Variants in CNTLN observed in about 807,000 individuals in gnomAD.
CNTLN encodes centlein, centrosomal protein.
In CNTLN, 212 loss-of-function variants were observed where a neutral mutation model predicts 180.0. The ratio of observed to expected loss-of-function variants is 1.18; its 90% CI spans 1.05 to 1.32. The LOEUF (loss-of-function observed/expected upper bound fraction) is 1.32. CNTLN is among the 40% of genes most tolerant of loss of function. CNTLN has a pLI of 0.00. For missense variants in CNTLN, 2,095 were observed against 1,610.9 expected, an observed-to-expected ratio of 1.30 and a Z score of -5.14; for synonymous variants, 722 against 563.1, an observed-to-expected ratio of 1.28 and a Z score of -3.99.
chr9:17,279,818 G>T (rs138358467), intron 6 of CNTLN, among the ~76,000 whole-genome samples: 2 of 152,200 alleles, frequency 1.3e-5, no homozygotes, highest in African/African-American at 4.8e-5. Flanking sequence ...TTAGTCCTCA[G>T]TGTGGGACAT....
chr9:17,376,707 T>C (rs944150595), intron 13 of CNTLN, among the ~76,000 whole-genome samples: 1 of 152,066 alleles, frequency 6.6e-6, no homozygotes, highest in Admixed American at 6.5e-5. Context: ...CACTTTGGCC[T>C]CCCAAAGTGC....
intron 2 of CNTLN, among the ~76,000 whole-genome samples, chr9:17,211,020 A>C (rs1157285884): frequency 1.3e-5 from 2 of 152,072 alleles, no homozygotes; most frequent in African/African-American, 4.8e-5. Flanking sequence ...GTTCGCTCTG[A>C]TGGTAGTTTC....
At chr9:17,525,574 C>T in the CNTLN span, among the ~76,000 whole-genome samples, 2 of 152,054 alleles carry the variant, frequency 1.3e-5, no homozygotes, top group Admixed American at 6.5e-5. Context: ...AAATGATCTA[C>T]GTATGTTTCT....
intron 2 of CNTLN, among the ~76,000 whole-genome samples, chr9:17,203,663 T>A (rs1822708851): frequency 2.0e-5 from 3 of 152,212 alleles, no homozygotes; most frequent in South Asian, 4.1e-4. Context: ...TTCACGCCAT[T>A]CTCCTGCCTC....
chr9:17,454,806 C>T (rs1425265824), intron 18 of CNTLN, among the ~76,000 whole-genome samples: 1 of 152,152 alleles, frequency 6.6e-6, no homozygotes, highest in Admixed American at 6.5e-5. Flanking sequence ...GCAGTAGACC[C>T]AGAGAATTCG....
At position 17,414,590 on chromosome 9, in the gene CNTLN, A is replaced by G. The variant is rs1587931713; in HGVS notation, c.2797-1198A>G. ...TGAAGCATTTCAAAAATATTTTGAG[A>G]AATGAAACATTGTTAGGGTTTTATA... On this transcript the variant is annotated intron_variant, in intron 16 of 25. Transcript: ENST00000380647. 2.0e-5 allele frequency among the ~76,000 whole-genome samples: 3 copies of G among 152,320 alleles called. No individual in the cohort carries two copies. In the East Asian group the frequency reaches 5.8e-4, roughly 29 times the overall value.
intron 2 of CNTLN, among the ~76,000 whole-genome samples, chr9:17,198,376 T>A (rs1053041627): frequency 1.3e-5 from 2 of 149,330 alleles, no homozygotes; most frequent in Admixed American, 6.7e-5. Flanking sequence ...ACATGGAATG[T>A]CTTTTCTTTC....
chr9:17,345,236 C>T (rs577646215), intron 12 of CNTLN, among the ~76,000 whole-genome samples: 1 of 152,244 alleles, frequency 6.6e-6, no homozygotes, highest in East Asian at 1.9e-4. Flanking sequence ...GCATTACATT[C>T]TGTAGACTGC....
chr9:17,372,766 A>AG (rs1824435099), intron 13 of CNTLN, among the ~76,000 whole-genome samples: 3 of 152,188 alleles, frequency 2.0e-5, no homozygotes. Context: ...AACACATTAA[A>AG]AAATTAGTCA....
chr9:17,480,335 T>G (rs780293819), intron 23 of CNTLN, among the ~76,000 whole-genome samples: 1 of 141,296 alleles, frequency 7.1e-6, no homozygotes, highest in Non-Finnish European at 1.5e-5. Flanking sequence ...TATAGCAATA[T>G]TATTCCAAGA....
chr9:17,499,685 A>G (rs2754314), intron 25 of CNTLN, among the ~76,000 whole-genome samples: 141,369 of 152,210 alleles, frequency 0.93, 66,174 homozygotes, highest in Non-Finnish European at 0.98. Flanking sequence ...TTTACAAAAT[A>G]TTGTTTTGTA....
intron 12 of CNTLN, among the ~76,000 whole-genome samples, chr9:17,353,901 G>C (rs983195674): frequency 3.3e-5 from 5 of 152,180 alleles, no homozygotes; most frequent in African/African-American, 1.2e-4. Context: ...GCCAAGGCTG[G>C]AGCCCACTCC....
rs756121921 is a variant in CNTLN, at chr9:17,135,112, G to A, written c.47G>A (p.Arg16Gln). ...PPSPHPSPPA[R>Q]QLGPRSPRVG... ...TCACCGCACCCTTCGCCCCCAGCGC[G>A]ACAGCTGGGCCCCAGGTCCCCACGT... Residue 16 changes from arginine to glutamine, a missense_variant, in exon 1 of 26, where the codon CGA becomes CAA. Coordinates refer to ENST00000380647, the MANE Select transcript of CNTLN (RefSeq NM_017738.4). 6.2e-7 allele frequency: 1 copy of A among 1,606,260 alleles called. No homozygotes were observed.
chr9:17,341,653 T>C (rs530805789), intron 11 of CNTLN, among the ~76,000 whole-genome samples: 3 of 152,328 alleles, frequency 2.0e-5, no homozygotes, highest in Non-Finnish European at 2.9e-5. Context: ...TGTAGAGAAA[T>C]ACTGTTTCTA....
chr9:17,394,642 A>G lies in CNTLN; in HGVS notation c.2188A>G (p.Lys730Glu). The G allele has an allele frequency of 6.2e-7, 1 of 1,611,274 alleles. No homozygotes were observed. The highest frequency in any genetic ancestry group is 1.1e-5 in the South Asian group (1 of 90,026). Residue 730 changes from lysine to glutamate, a missense_variant, in exon 15 of 26, where the codon AAA becomes GAA. Physicochemically the swap from Lys to Glu is moderately conservative, Grantham distance 56 (BLOSUM62 1). Coordinates refer to ENST00000380647, the MANE Select transcript of CNTLN (RefSeq NM_017738.4). ...AAATGATTTTCTGAAATCCCTCTTA[A>G]AACAGCAACAAGAAGATACAGAGAC... is the stretch of plus-strand genomic sequence containing the variant. ...KENDFLKSLLKQQQEDTETRE... is the reference protein window; with the variant it reads ...KENDFLKSLLEQQQEDTETRE...
intron 8 of CNTLN, among the ~76,000 whole-genome samples, chr9:17,313,572 A>C (rs1328425638): frequency 6.6e-6 from 1 of 152,084 alleles, no homozygotes; most frequent in Non-Finnish European, 1.5e-5. Flanking sequence ...TTTGACTCTT[A>C]GCATTTAAAC....
chr9:17,444,700 C>CA (rs1157066155), intron 18 of CNTLN, among the ~76,000 whole-genome samples: 1 of 152,176 alleles, frequency 6.6e-6, no homozygotes, highest in Admixed American at 6.5e-5. Context: ...CTTGATGTAG[C>CA]ATAACTGCCT....
intron 3 of CNTLN, among the ~76,000 whole-genome samples, chr9:17,229,458 C>T (rs544998391): frequency 2.6e-5 from 4 of 152,096 alleles, no homozygotes; most frequent in Non-Finnish European, 4.4e-5. Flanking sequence ...AGTAATAGCT[C>T]ACGCAGTCGT....
chr9:17,506,341 C>T (rs1833932111), downstream of CNTLN, among the ~76,000 whole-genome samples: 1 of 152,048 alleles, frequency 6.6e-6, no homozygotes, highest in African/African-American at 2.4e-5. Context: ...AAAACATTTG[C>T]AAATCACTGA....
Sources: allele counts gnomAD v4.1 joint callset (sites outside exome capture counted in the v4.1 genomes callset), GRCh38; gene constraint gnomAD v4.1.1; transcripts MANE v1.5; gene names NCBI Gene and HGNC (gene_info 2026-07-23, HGNC 2026-07-21).